The following PTPRQ variants were observed in gnomAD, a reference collection of about 807,000 sequenced individuals.
The protein encoded by PTPRQ is phosphatidylinositol phosphatase PTPRQ.
Under a neutral mutation model 246.0 loss-of-function variants are expected in PTPRQ, and 199 were observed. The observed-to-expected ratio is 0.81, with a 90% CI of 0.72 to 0.91. The LOEUF (loss-of-function observed/expected upper bound fraction) is 0.91, where lower values mean the gene tolerates loss of function less well. Ranked by LOEUF, PTPRQ falls within the 40% of genes least tolerant of loss-of-function variation. The pLI is 0.00. For synonymous variants in PTPRQ, 869 were observed against 853.2 expected (o/e 1.02, Z -0.32); for missense variants, 2,624 against 2,528.4 (o/e 1.04, Z -0.81).
intron 3 of PTPRQ, among the ~76,000 whole-genome samples, chr12:80,446,188 G>A (rs184334488): frequency 2.0e-5 from 3 of 149,628 alleles, no homozygotes; most frequent in Non-Finnish European, 4.4e-5. Context: ...TACAATTTAC[G>A]TATGAAAATT....
intron 39 of PTPRQ, among the ~76,000 whole-genome samples, chr12:80,668,217 A>G (rs1900848985): frequency 6.6e-6 from 1 of 151,920 alleles, no homozygotes; most frequent in East Asian, 1.9e-4. Context: ...ATCCACAGAT[A>G]CTGTTCACAA....
At chr12:80,632,491 A>G (rs1899477372) in intron 34 of PTPRQ, among the ~76,000 whole-genome samples, 200 bp downstream of exon 34, 1 of 152,200 alleles carries the variant, frequency 6.6e-6, no homozygotes, top group Non-Finnish European at 1.5e-5. Context: ...ATCTAGCCAT[A>G]AAAGGAAAGA....
chr12:80,674,136 A>T (rs1901061064), intron 43 of PTPRQ, among the ~76,000 whole-genome samples: 1 of 152,092 alleles, frequency 6.6e-6, no homozygotes, highest in Admixed American at 6.6e-5. Flanking sequence ...GTATAACTAC[A>T]ATATACACAA....
Position 80,534,189 on chromosome 12 carries a change from G to A in PTPRQ, c.2839+14G>A. 2.0e-6 allele frequency: 3 copies of A among 1,466,450 alleles called. No homozygotes were observed. The highest frequency in any genetic ancestry group is 2.7e-6 in the Non-Finnish European group (3 of 1,107,152). 90.8% of individuals were successfully genotyped at this position (1,466,450 alleles called of 1,614,324 possible). A position where few individuals can be genotyped will look rare whatever the true frequency, so the allele number is the denominator to read the frequency against. ...CACCAGAGGGAGGTGAGTTAAGGAT[G>A]TATGCCAATTAAAAGAATGTTCTTT... On this transcript the variant is annotated intron_variant, in intron 18 of 44. Coordinates refer to ENST00000644991, the MANE Select transcript of PTPRQ (RefSeq NM_001145026.2).
chr12:80,646,485 G>GT (rs1342854460), intron 35 of PTPRQ, among the ~76,000 whole-genome samples: 1 of 105,330 alleles, frequency 9.5e-6, no homozygotes, highest in Non-Finnish European at 1.8e-5. Flanking sequence ...TCCCCCTTGA[G>GT]GGGTGAGGGA....
At chr12:80,590,387 G>C (rs1418724688) in intron 26 of PTPRQ, among the ~76,000 whole-genome samples, 1 of 152,054 alleles carries the variant, frequency 6.6e-6, no homozygotes, top group Non-Finnish European at 1.5e-5. Context: ...TATCCAATGG[G>C]CTGGGCGCAG....
At chr12:80,449,515 C>T (rs1398958197) in intron 3 of PTPRQ, among the ~76,000 whole-genome samples, 1 of 152,070 alleles carries the variant, frequency 6.6e-6, no homozygotes, top group Non-Finnish European at 1.5e-5. Flanking sequence ...TTAGGTCTAA[C>T]ATTTAAGTCT....
chr12:80,506,893 T>C (rs1894977861), intron 16 of PTPRQ, among the ~76,000 whole-genome samples: 1 of 152,026 alleles, frequency 6.6e-6, no homozygotes, highest in African/African-American at 2.4e-5. Flanking sequence ...TCTGAAGTCA[T>C]CAGTACTCTG....
At chr12:80,457,124 T>C (rs1893005027) in intron 3 of PTPRQ, among the ~76,000 whole-genome samples, 1 of 152,144 alleles carries the variant, frequency 6.6e-6, no homozygotes, top group Non-Finnish European at 1.5e-5. Context: ...TAAATGTACT[T>C]ATCTAATTTA....
chr12:80,672,589 GT>G (rs1565852771), intron 42 of PTPRQ, among the ~76,000 whole-genome samples: 1 of 151,838 alleles, frequency 6.6e-6, no homozygotes, highest in African/African-American at 2.4e-5. Flanking sequence ...ATCTTGTGAG[GT>G]TTATCAGTTA....
Position 80,508,655 on chromosome 12 carries a change from T to G in PTPRQ, c.2558-1668T>G, listed in dbSNP as rs544825675. Among the ~76,000 whole-genome samples the G allele has an allele frequency of 3.3e-5, 5 of 152,206 alleles. No homozygotes were observed. The South Asian group carries it at 1.0e-3, about 32-fold the overall frequency. ...AAAGTTCTAATTTTTCTAGTTTCAATTTTGTTAGATTGTATTTTAGAATAC... is the reference window on the plus strand; with the variant it reads ...AAAGTTCTAATTTTTCTAGTTTCAAGTTTGTTAGATTGTATTTTAGAATAC... On this transcript the variant is annotated intron_variant, in intron 16 of 44. Coordinates refer to ENST00000644991, the MANE Select transcript of PTPRQ (RefSeq NM_001145026.2).
intron 25 of PTPRQ, among the ~76,000 whole-genome samples, chr12:80,570,433 G>GT (rs905501478): frequency 7.7e-4 from 116 of 150,008 alleles, no homozygotes; most frequent in African/African-American, 2.7e-3. Flanking sequence ...GGGGTTGTTT[G>GT]TTTTTTTTCT....
intron 8 of PTPRQ, among the ~76,000 whole-genome samples, chr12:80,481,823 G>C (rs191783751): frequency 6.6e-6 from 1 of 152,058 alleles, no homozygotes; most frequent in South Asian, 2.1e-4. Flanking sequence ...TACAAGGGAT[G>C]TGAAGGACGT....
rs1378925213 is a variant in PTPRQ, at chr12:80,634,925, C to T, written c.5787-20C>T. The T allele has an allele frequency of 6.5e-7, 1 of 1,547,778 alleles. No individual in the cohort carries two copies. Among genetic ancestry groups the T allele is most frequent in the African/African-American group, 1.4e-5 (1 of 72,950 alleles). ...CTTTGTGTGAAACTCCCTTCTTGGA[C>T]TTTACTCCGCTTGTTTTAGAATTCG... On this transcript the variant is annotated intron_variant, in intron 34 of 44. Transcript: ENST00000644991.
intron 9 of PTPRQ, among the ~76,000 whole-genome samples, chr12:80,490,520 A>G (rs1339265938): frequency 6.6e-6 from 1 of 151,986 alleles, no homozygotes; most frequent in Non-Finnish European, 1.5e-5. Context: ...ACAAATTGTG[A>G]CATTCCCTAA....
chr12:80,548,031 A>G (rs1896360179), intron 24 of PTPRQ, among the ~76,000 whole-genome samples: 1 of 152,178 alleles, frequency 6.6e-6, no homozygotes. Flanking sequence ...AATGAGTGAT[A>G]GAATATAAAA....
intron 25 of PTPRQ, among the ~76,000 whole-genome samples, chr12:80,557,056 T>C (rs1416498004): frequency 6.6e-6 from 1 of 152,172 alleles, no homozygotes; most frequent in Non-Finnish European, 1.5e-5. Flanking sequence ...AAAACAGTGA[T>C]TGTTTTTGGC....
chr12:80,654,556 T>C (rs183210757), intron 38 of PTPRQ, among the ~76,000 whole-genome samples: 72 of 152,144 alleles, frequency 4.7e-4, no homozygotes, highest in African/African-American at 1.6e-3. Flanking sequence ...TTCAATTGTA[T>C]AGAATTAATG....
intron 17 of PTPRQ, among the ~76,000 whole-genome samples, chr12:80,527,944 G>T (rs563829914): frequency 8.0e-4 from 121 of 152,182 alleles, no homozygotes; most frequent in African/African-American, 2.7e-3. Flanking sequence ...AAATAAACAG[G>T]TATGGTAACA....
Sources: allele counts gnomAD v4.1 joint callset (sites outside exome capture counted in the v4.1 genomes callset), GRCh38; gene constraint gnomAD v4.1.1; transcripts MANE v1.5; gene names NCBI Gene and HGNC (gene_info 2026-07-23, HGNC 2026-07-21).